The following GAPVD1 variants were observed in gnomAD, a reference collection of about 807,000 sequenced individuals.
GAPVD1 encodes GTPase activating protein and VPS9 domains 1, also known as GTPase-activating protein and VPS9 domain-containing protein 1.
In GAPVD1, 35 loss-of-function variants were observed where a neutral mutation model predicts 155.5. That is an observed-to-expected ratio of 0.23 (90% CI 0.17 to 0.30). The LOEUF (loss-of-function observed/expected upper bound fraction) is 0.30. Ranked by LOEUF, GAPVD1 falls within the 10% of genes least tolerant of loss-of-function variation. The pLI is 1.00. For synonymous variants in GAPVD1, 636 were observed against 619.7 expected, an observed-to-expected ratio of 1.03 and a Z score of -0.39; for missense variants, 1,429 against 1,775.7, an observed-to-expected ratio of 0.80 and a Z score of 3.51.
intron 11 of GAPVD1, among the ~76,000 whole-genome samples, chr9:125,324,234 A>G (rs1844806819): frequency 6.6e-6 from 1 of 152,208 alleles, no homozygotes; most frequent in Non-Finnish European, 1.5e-5. Context: ...ATAGTACACA[A>G]TTGATTTAAA....
At chr9:125,267,933 C>T (rs908015923) in intron 1 of GAPVD1, among the ~76,000 whole-genome samples, 6 of 150,850 alleles carry the variant, frequency 4.0e-5, no homozygotes, top group East Asian at 4.1e-4. Flanking sequence ...GAGACCGAGG[C>T]GGGTGGATCA....
At chr9:125,269,733 T>C (rs913944688) in intron 2 of GAPVD1, among the ~76,000 whole-genome samples, 2 of 144,302 alleles carry the variant, frequency 1.4e-5, no homozygotes, top group African/African-American at 5.1e-5. Context: ...TTTTTTTTTT[T>C]TGGAGGCAGA....
intron 9 of GAPVD1, among the ~76,000 whole-genome samples, chr9:125,317,344 ATGGCCGGGCGGTGGCTC>A (rs1843593832): frequency 6.6e-6 from 1 of 150,592 alleles, no homozygotes; most frequent in Admixed American, 6.6e-5. Flanking sequence ...AACGTCCTTG[ATGGCCGGGCGGTGGCTC>A]ACGCCTGTAA....
At position 125,336,999 on chromosome 9, in the gene GAPVD1, A is replaced by C; in HGVS notation, c.2429-19A>C. On this transcript the variant is annotated intron_variant, in intron 15 of 27. Coordinates refer to ENST00000297933, the MANE Select transcript of GAPVD1 (RefSeq NM_001282680.3). ...GTCCTGCGTCCTGGCTTGGTCTCACAGTTTCCCTCCTGTTTTAGGTGCCCA... is the reference window on the plus strand; with the variant it reads ...GTCCTGCGTCCTGGCTTGGTCTCACCGTTTCCCTCCTGTTTTAGGTGCCCA... 4 of 1,512,902 alleles carry C rather than the reference A, an allele frequency of 2.6e-6. No homozygotes were observed. Among genetic ancestry groups the C allele is most frequent in the South Asian group, 1.1e-5 (1 of 89,038 alleles). The allele number at this position is 1,512,902 out of a possible 1,614,324, so 93.7% of individuals were successfully genotyped here. A position where few individuals can be genotyped will look rare whatever the true frequency, so the allele number is the denominator to read the frequency against.
chr9:125,290,548 G>A (rs1838412870), intron 2 of GAPVD1, among the ~76,000 whole-genome samples: 1 of 152,168 alleles, frequency 6.6e-6, no homozygotes, highest in Admixed American at 6.6e-5. Flanking sequence ...GAAGACAAAA[G>A]CGCGGAGCCG....
intron 21 of GAPVD1, 105 bp downstream of exon 21, chr9:125,349,624 G>T: frequency 1.0e-6 from 1 of 955,208 alleles, no homozygotes. Flanking sequence ...TATAAAGCAG[G>T]GAGAGAAAAA....
Position 125,365,375 on chromosome 9 carries a change from C to A in GAPVD1, c.*2629C>A, listed in dbSNP as rs1338916306. ...ATAGTTGTTCCCCAAATGTTTCTTC[C>A]TCCACTGCCTTCCAGTACTTTCTTT... On this transcript the variant is annotated 3_prime_UTR_variant, in exon 28 of 28. Coordinates refer to ENST00000297933, the MANE Select transcript of GAPVD1 (RefSeq NM_001282680.3). The A allele has an allele frequency of 6.7e-6, 1 of 149,852 alleles. No homozygotes were observed. Among genetic ancestry groups the A allele is most frequent in the Non-Finnish European group, 1.5e-5 (1 of 67,700 alleles). 9.3% of individuals were successfully genotyped at this position (149,852 alleles called of 1,614,324 possible).
chr9:125,288,357 G>A (rs1006144712), intron 2 of GAPVD1, among the ~76,000 whole-genome samples: 21 of 151,966 alleles, frequency 1.4e-4, no homozygotes, highest in Admixed American at 3.9e-4. Flanking sequence ...TGATCCACCC[G>A]CCTCAGCCTC....
intron 1 of GAPVD1, chr9:125,264,091 T>C: frequency 2.5e-6 from 2 of 788,004 alleles, no homozygotes; most frequent in Non-Finnish European, 2.2e-6. Context: ...TCTGGTTCTT[T>C]AGAAGAACAT....
At position 125,360,741 on chromosome 9, in the gene GAPVD1, C is replaced by T. The variant is rs776236511; in HGVS notation, c.4242+16C>T. 1.9e-6 allele frequency: 3 copies of T among 1,595,656 alleles called. No individual in the cohort carries two copies. Among genetic ancestry groups the T allele is most frequent in the Admixed American group, 1.7e-5 (1 of 59,966 alleles). On this transcript the variant is annotated intron_variant, in intron 27 of 27. Transcript: ENST00000297933. ...GTTGATAAAGGTGGGCCCCTTACTACTATCAGTTAAGGAGTTATGTGGCAT... is the reference window on the plus strand; with the variant it reads ...GTTGATAAAGGTGGGCCCCTTACTATTATCAGTTAAGGAGTTATGTGGCAT...
In GAPVD1 at chr9:125,321,448, C is replaced by A; in HGVS notation, c.1618C>A (p.Leu540Ile). ...TATTTTTTAGGTCCTAAACATGCAGCTTTCGGATGGAGGACAAGGAGATGT... is the reference window on the plus strand; with the variant it reads ...TATTTTTTAGGTCCTAAACATGCAGATTTCGGATGGAGGACAAGGAGATGT... ...MSENEVLNMQ[L>I]SDGGQGDVPV... is the part of the protein sequence containing the mutation. Residue 540 changes from leucine (L) to isoleucine (I), a missense_variant, in exon 10 of 28, where the codon CTT becomes ATT. Leu to Ile is a conservative substitution (Grantham distance 5). Coordinates refer to ENST00000297933, the MANE Select transcript of GAPVD1 (RefSeq NM_001282680.3). 6.2e-7 allele frequency: 1 copy of A among 1,612,348 alleles called. No individual in the cohort carries two copies. Among genetic ancestry groups the A allele is most frequent in the Admixed American group, 1.7e-5 (1 of 59,832 alleles).
rs1016923326 is a variant in GAPVD1, at chr9:125,365,279, T to G, written c.*2533T>G. 6.6e-6 allele frequency: 1 copy of G among 152,140 alleles called. No homozygotes were observed. Among genetic ancestry groups the G allele is most frequent in the Non-Finnish European group, 1.5e-5 (1 of 68,028 alleles). The allele number at this position is 152,140 out of a possible 1,614,324, so 9.4% of individuals were successfully genotyped here. ...CTACTTTGGCATTAACCATCACTGTTTGATTTCTTGACAGGTATGTGAGAT... is the reference window on the plus strand; with the variant it reads ...CTACTTTGGCATTAACCATCACTGTGTGATTTCTTGACAGGTATGTGAGAT... On this transcript the variant is annotated 3_prime_UTR_variant, in exon 28 of 28. Coordinates refer to ENST00000297933, the MANE Select transcript of GAPVD1 (RefSeq NM_001282680.3).
At chr9:125,278,414 G>A (rs1023552009) in intron 2 of GAPVD1, among the ~76,000 whole-genome samples, 3 of 152,110 alleles carry the variant, frequency 2.0e-5, no homozygotes, top group African/African-American at 7.2e-5. Context: ...CCAGGTACTC[G>A]GGAGGCTGAG....
Position 125,323,849 on chromosome 9 carries a change from C to G in GAPVD1, c.1784C>G (p.Ser595Cys). The change falls in exon 11 of 28, where the codon TCT becomes TGT. Residue 595 changes from serine to cysteine, a missense_variant. Ser to Cys is a moderately radical substitution (Grantham distance 112). This residue lies in a region of GAPVD1 where 628 missense variants were observed against 733.4 expected (regional missense o/e 0.86). Coordinates refer to ENST00000297933, the MANE Select transcript of GAPVD1 (RefSeq NM_001282680.3). Reference protein sequence around the residue: ...SVSSLDLEGESVSELGAGPSG... With the variant: ...SVSSLDLEGECVSELGAGPSG... ...TCCTCCCTAGACCTAGAAGGAGAGT[C>G]TGTGTCAGAACTTGGAGCAGGACCT... The G allele has an allele frequency of 6.2e-7, 1 of 1,612,848 alleles. No individual in the cohort carries two copies. Among genetic ancestry groups the G allele is most frequent in the East Asian group, 2.2e-5 (1 of 44,850 alleles).
At chr9:125,283,894 A>G (rs1394097468) in intron 2 of GAPVD1, among the ~76,000 whole-genome samples, 1 of 150,832 alleles carries the variant, frequency 6.6e-6, no homozygotes. Context: ...TTTTTTTGAT[A>G]TGGAGTCTCG....
chr9:125,349,725 G>A (rs576245895), intron 21 of GAPVD1, among the ~76,000 whole-genome samples: 20 of 152,236 alleles, frequency 1.3e-4, no homozygotes, highest in South Asian at 2.1e-4. Flanking sequence ...CTCGCTGGGC[G>A]TGGTGGCTCA....
Position 125,332,073 on chromosome 9 carries a change from T to G in GAPVD1, c.2308+13T>G. 1 of 1,613,668 alleles carries G rather than the reference T, an allele frequency of 6.2e-7. No individual in the cohort carries two copies. The highest frequency in any genetic ancestry group is 8.5e-7 in the Non-Finnish European group (1 of 1,179,692). On this transcript the variant is annotated intron_variant, in intron 14 of 27. Transcript: ENST00000297933. ...AGTGTTGTGTCCGGTATGTCTGTCTTGTTTTAAGGAGTAGGGATTTGAAGG... is the reference window on the plus strand; with the variant it reads ...AGTGTTGTGTCCGGTATGTCTGTCTGGTTTTAAGGAGTAGGGATTTGAAGG...
rs368003901 is a variant in GAPVD1 at position 125,261,943 on chromosome 9, C to T, written c.-215C>T. 59 of 153,244 alleles carry T rather than the reference C, an allele frequency of 3.9e-4. No homozygotes were observed. The highest frequency in any genetic ancestry group is 3.4e-3 in the Middle Eastern group (1 of 298). 9.5% of individuals were successfully genotyped at this position (153,244 alleles called of 1,614,324 possible). On this transcript the variant is annotated 5_prime_UTR_variant, in exon 1 of 28. Transcript: ENST00000297933. ...TCCGACAGAGTCCTCCGTGTCCTCC[C>T]CCGCATGACCCCCTTGGTGAGTACG...
intron 15 of GAPVD1, among the ~76,000 whole-genome samples, chr9:125,333,301 C>T (rs1263843335): frequency 6.6e-6 from 1 of 151,646 alleles, no homozygotes; most frequent in African/African-American, 2.4e-5. Context: ...AGGCTGGTCT[C>T]GAACTCCTGA....
Sources: gnomAD v4.1 joint callset for allele counts (sites outside exome capture counted in the v4.1 genomes callset) on GRCh38, gnomAD v4.1.1 for gene constraint, gnomAD v4.1.1 regional missense constraint, MANE v1.5 for transcripts, NCBI Gene and HGNC (gene_info 2026-07-23, HGNC 2026-07-21) for gene names.